CIRSR: variants seen among roughly 807,000 people sequenced by gnomAD.
CIRSR encodes corepressor of RBPJ and splicing regulator.
the CIRSR span, among the ~76,000 whole-genome samples, chr2:174,391,406 A>T: frequency 6.6e-6 from 1 of 152,172 alleles, no homozygotes; most frequent in Non-Finnish European, 1.5e-5. Flanking sequence ...CCTGGCCAAC[A>T]TGGTGAAACT....
At chr2:174,394,365 A>T in the CIRSR span, among the ~76,000 whole-genome samples, 1 of 152,184 alleles carries the variant, frequency 6.6e-6, no homozygotes, top group East Asian at 1.9e-4. Context: ...TTTGGTGTCA[A>T]AAGTTATTGA....
At chr2:174,390,620 G>C in the CIRSR span, among the ~76,000 whole-genome samples, 2 of 152,156 alleles carry the variant, frequency 1.3e-5, no homozygotes, top group Non-Finnish European at 1.5e-5. Context: ...AAGGGGCTGG[G>C]GTGGAATGGT....
At chr2:174,354,774 T>C in the CIRSR span, among the ~76,000 whole-genome samples, 1 of 120,264 alleles carries the variant, frequency 8.3e-6, no homozygotes, top group East Asian at 2.1e-4. Context: ...ATATATATTT[T>C]TTTTTTTGGT....
the CIRSR span, among the ~76,000 whole-genome samples, chr2:174,364,358 G>C: frequency 6.6e-6 from 1 of 152,214 alleles, no homozygotes; most frequent in African/African-American, 2.4e-5. Flanking sequence ...TCATATGCTG[G>C]CGTTGAGCAC....
At chr2:174,362,770 G>A in the CIRSR span, among the ~76,000 whole-genome samples, 1 of 150,664 alleles carries the variant, frequency 6.6e-6, no homozygotes, top group East Asian at 2.0e-4. Flanking sequence ...CCTGAAAACT[G>A]GAGAGATAGG....
the CIRSR span, among the ~76,000 whole-genome samples, chr2:174,359,980 T>A: frequency 2.0e-5 from 3 of 152,166 alleles, no homozygotes; most frequent in Non-Finnish European, 4.4e-5. Flanking sequence ...AAACACCGCA[T>A]GTTCTCACTC....
At chr2:174,356,347 A>G in the CIRSR span, among the ~76,000 whole-genome samples, 1 of 151,652 alleles carries the variant, frequency 6.6e-6, no homozygotes, top group South Asian at 2.1e-4. Flanking sequence ...ACATGCCTAT[A>G]CTCCCAGCTA....
the CIRSR span, among the ~76,000 whole-genome samples, chr2:174,359,619 A>C: frequency 6.6e-6 from 1 of 152,218 alleles, no homozygotes; most frequent in Non-Finnish European, 1.5e-5. Context: ...GTGGGAGTGT[A>C]AACTAGTTCA....
chr2:174,376,152 T>C, the CIRSR span, among the ~76,000 whole-genome samples: 1 of 152,196 alleles, frequency 6.6e-6, no homozygotes, highest in Non-Finnish European at 1.5e-5. Flanking sequence ...AGAGCCACCA[T>C]GCCCAGCCCT....
chr2:174,351,478 A>C, the CIRSR span: 1 of 554,916 alleles, frequency 1.8e-6, no homozygotes, highest in Non-Finnish European at 3.1e-6. Flanking sequence ...AAGCAAAATC[A>C]AAACACATTT....
chr2:174,372,775 T>C, the CIRSR span, among the ~76,000 whole-genome samples: 9 of 152,216 alleles, frequency 5.9e-5, no homozygotes, highest in Middle Eastern at 6.8e-3. Flanking sequence ...AGAGACAGGG[T>C]TTCTCAGTGT....
chr2:174,394,918 G>C, the CIRSR span, among the ~76,000 whole-genome samples: 1 of 152,110 alleles, frequency 6.6e-6, no homozygotes, highest in Non-Finnish European at 1.5e-5. Flanking sequence ...TTACAGATTA[G>C]AAGACTGAGG....
the CIRSR span, chr2:174,348,827 G>A: frequency 2.4e-5 from 39 of 1,614,030 alleles, no homozygotes; most frequent in African/African-American, 8.0e-5. Flanking sequence ...TAGAACTCTC[G>A]TGTTTTAAGA....
chr2:174,379,109 T>A, the CIRSR span: 1 of 1,061,744 alleles, frequency 9.4e-7, no homozygotes, highest in Non-Finnish European at 1.5e-6. Flanking sequence ...AAATTCCTAT[T>A]CCTTGATAGA....
the CIRSR span, chr2:174,380,757 A>G: frequency 6.2e-7 from 1 of 1,606,828 alleles, no homozygotes; most frequent in Non-Finnish European, 8.5e-7. Context: ...TTTCCATATA[A>G]TACAATCAAC....
At chr2:174,382,458 C>T in the CIRSR span, among the ~76,000 whole-genome samples, 5 of 152,042 alleles carry the variant, frequency 3.3e-5, no homozygotes, top group East Asian at 9.6e-4. Context: ...GGTCAACATG[C>T]AGAAACCCCG....
At chr2:174,392,333 T>C in the CIRSR span, among the ~76,000 whole-genome samples, 1 of 152,254 alleles carries the variant, frequency 6.6e-6, no homozygotes, top group South Asian at 2.1e-4. Context: ...AGTTCTAAAA[T>C]TGTTTGTGGT....
chr2:174,361,415 T>G, the CIRSR span, among the ~76,000 whole-genome samples: 1 of 152,240 alleles, frequency 6.6e-6, no homozygotes, highest in Non-Finnish European at 1.5e-5. Flanking sequence ...CTACAGGAAG[T>G]TCCTCTGGTA....
At chr2:174,378,540 A>G in the CIRSR span, 1 of 230,754 alleles carries the variant, frequency 4.3e-6, no homozygotes, top group Admixed American at 5.7e-5. Context: ...TTACCTCTGT[A>G]CTAAAAAGAG....
Sources: allele counts gnomAD v4.1 joint callset (sites outside exome capture counted in the v4.1 genomes callset), GRCh38; gene constraint gnomAD v4.1.1; transcripts MANE v1.5; gene names NCBI Gene and HGNC (gene_info 2026-07-23, HGNC 2026-07-21).